FER: variants seen among roughly 807,000 people sequenced by gnomAD.
FER encodes tyrosine-protein kinase Fer.
Under a neutral mutation model 111.0 loss-of-function variants are expected in FER, and 63 were observed. The ratio of observed to expected loss-of-function variants is 0.57; its 90% CI spans 0.46 to 0.70. The LOEUF is 0.70. Among genes scored for constraint, FER ranks in the 30% least tolerant of loss-of-function variants. The probability of loss-of-function intolerance (pLI) is 0.00; values close to 1 mark genes in which losing one functional copy is unlikely to be tolerated. For synonymous variants in FER, 327 were observed against 313.9 expected (o/e 1.04, Z -0.44); for missense variants, 914 against 954.0 (o/e 0.96, Z 0.55).
intron 16 of FER, among the ~76,000 whole-genome samples, chr5:109,073,696 C>T (rs1370459312): frequency 6.6e-6 from 1 of 151,970 alleles, no homozygotes; most frequent in African/African-American, 2.4e-5. Flanking sequence ...AATCCTCCTC[C>T]CCTTCCACAT....
intron 17 of FER, among the ~76,000 whole-genome samples, chr5:109,142,402 G>A (rs1753620014): frequency 6.6e-6 from 1 of 152,116 alleles, no homozygotes; most frequent in South Asian, 2.1e-4. Context: ...GTGAGCCACT[G>A]AACAGGTGTA....
intron 13 of FER, among the ~76,000 whole-genome samples, chr5:108,977,221 T>C (rs1761470908): frequency 6.6e-6 from 1 of 152,230 alleles, no homozygotes; most frequent in Non-Finnish European, 1.5e-5. Flanking sequence ...TATGTTCATA[T>C]TTTTCTGAGC....
chr5:108,837,041 C>G (rs1165940109), intron 5 of FER, among the ~76,000 whole-genome samples: 1 of 152,058 alleles, frequency 6.6e-6, no homozygotes, highest in Non-Finnish European at 1.5e-5. Context: ...TTTTGAAATG[C>G]TTTTATCTTT....
intron 13 of FER, among the ~76,000 whole-genome samples, chr5:108,989,647 C>T (rs963180067): frequency 4.5e-4 from 68 of 151,790 alleles, no homozygotes; most frequent in African/African-American, 1.6e-3. Flanking sequence ...TATTTGATTA[C>T]ATTAGGATTT....
intron 17 of FER, among the ~76,000 whole-genome samples, chr5:109,137,460 T>C (rs1411967252): frequency 6.6e-6 from 1 of 152,258 alleles, no homozygotes; most frequent in East Asian, 1.9e-4. Context: ...GCTAAGGCAC[T>C]AACCTTGGTC....
At chr5:109,184,491 C>A (rs971381570) in intron 18 of FER, among the ~76,000 whole-genome samples, 3 of 152,150 alleles carry the variant, frequency 2.0e-5, no homozygotes, top group Non-Finnish European at 2.9e-5. Context: ...AGGTTATAAG[C>A]TTTTACTTCC....
intron 10 of FER, among the ~76,000 whole-genome samples, chr5:108,904,751 G>A (rs1436727788): frequency 3.3e-5 from 5 of 152,060 alleles, no homozygotes; most frequent in African/African-American, 7.2e-5. Flanking sequence ...AGATTTTACT[G>A]TCAAAAAAGT....
In FER at chr5:109,187,486, A is replaced by ATGAAG; in HGVS notation, c.2383_2387dup (p.Cys796Ter). The ATGAAG allele has an allele frequency of 6.2e-7, 1 of 1,614,120 alleles. No homozygotes were observed. Among genetic ancestry groups the ATGAAG allele is most frequent in the Non-Finnish European group, 8.5e-7 (1 of 1,179,994 alleles). On this transcript the variant is annotated frameshift_variant, in exon 20 of 20. Coordinates refer to ENST00000281092, the MANE Select transcript of FER (RefSeq NM_005246.4). LOFTEE classifies it high-confidence loss of function. ...TCCAGAGGATATTTCCAAAATCATG[A>ATGAAG]TGAAGTGTTGGGATTATAAACCTGA...
In FER at chr5:109,139,444, G is replaced by A. The variant is rs578139839; in HGVS notation, c.2048+38925G>A. The stretch of plus-strand genomic sequence containing the variant: ...CGGCTCACTGCAAGCTCCACTTCCC[G>A]GTTCCAAGCCATTCTCCTGCTACTT... On this transcript the variant is annotated intron_variant, in intron 17 of 19. Coordinates refer to ENST00000281092, the MANE Select transcript of FER (RefSeq NM_005246.4). 4.0e-5 allele frequency among the ~76,000 whole-genome samples: 6 copies of A among 148,352 alleles called. 1 individual carries two copies. The highest frequency in any genetic ancestry group is 1.0e-4 in the African/African-American group (4 of 40,048).
intron 17 of FER, among the ~76,000 whole-genome samples, chr5:109,170,293 C>T (rs1756976647): frequency 6.6e-6 from 1 of 152,052 alleles, no homozygotes; most frequent in African/African-American, 2.4e-5. Flanking sequence ...TTTCATTCAT[C>T]TTAAATGGGA....
chr5:109,096,900 C>A (rs1291278093), intron 16 of FER, among the ~76,000 whole-genome samples: 2 of 149,568 alleles, frequency 1.3e-5, no homozygotes, highest in African/African-American at 4.9e-5. Flanking sequence ...TTGTTTTTTA[C>A]AAAATAACAA....
At chr5:108,829,350 A>G (rs1490134212) in intron 3 of FER, among the ~76,000 whole-genome samples, 1 of 152,178 alleles carries the variant, frequency 6.6e-6, no homozygotes, top group African/African-American at 2.4e-5. Flanking sequence ...TAAAAAAAAT[A>G]TTTATGGCTG....
At position 109,194,004 on chromosome 5, in the gene FER, C is replaced by T. The variant is rs1266885876; in HGVS notation, c.*6429C>T. 6.6e-6 allele frequency: 1 copy of T among 152,170 alleles called. No individual in the cohort carries two copies. The highest frequency in any genetic ancestry group is 1.5e-5 in the Non-Finnish European group (1 of 68,030). 9.4% of individuals were successfully genotyped at this position (152,170 alleles called of 1,614,324 possible). A position where few individuals can be genotyped will look rare whatever the true frequency, so the allele number is the denominator to read the frequency against. ...AGATGACTAACACTATCAGTAGAAG[C>T]TCTTGAGAGATTTTCCTAACGCAGC... On this transcript the variant is annotated 3_prime_UTR_variant, in exon 20 of 20. Coordinates refer to ENST00000281092, the MANE Select transcript of FER (RefSeq NM_005246.4).
At chr5:109,147,639 A>C (rs1421499782) in intron 17 of FER, among the ~76,000 whole-genome samples, 1 of 152,030 alleles carries the variant, frequency 6.6e-6, no homozygotes, top group Non-Finnish European at 1.5e-5. Flanking sequence ...ATTTGTTGGC[A>C]GAAAATATTC....
chr5:108,933,820 A>G (rs1755054927), intron 10 of FER, among the ~76,000 whole-genome samples: 1 of 152,100 alleles, frequency 6.6e-6, no homozygotes, highest in Admixed American at 6.6e-5. Context: ...GGTCCTTTGC[A>G]TCCCTTGTAA....
intron 10 of FER, among the ~76,000 whole-genome samples, chr5:108,911,112 C>T (rs1751488791): frequency 6.6e-6 from 1 of 152,148 alleles, no homozygotes; most frequent in South Asian, 2.1e-4. Flanking sequence ...TTTCTTTTCA[C>T]CACATCCGCA....
At chr5:108,869,368 G>A (rs1764384609) in intron 6 of FER, among the ~76,000 whole-genome samples, 2 of 152,100 alleles carry the variant, frequency 1.3e-5, no homozygotes, top group Admixed American at 6.6e-5. Flanking sequence ...TGCACTCTCC[G>A]TGAGAGGAAT....
At chr5:108,901,840 A>G (rs573396635) in intron 10 of FER, among the ~76,000 whole-genome samples, 2 of 152,060 alleles carry the variant, frequency 1.3e-5, no homozygotes, top group Admixed American at 1.3e-4. Context: ...AATGCTAACC[A>G]CTCAGGAGTT....
chr5:108,936,499 G>A (rs745307031), intron 10 of FER, among the ~76,000 whole-genome samples: 3 of 151,936 alleles, frequency 2.0e-5, no homozygotes, highest in Non-Finnish European at 4.4e-5. Flanking sequence ...CTTATTGCCT[G>A]TTGACGTAAT....
Sources: allele counts gnomAD v4.1 joint callset (sites outside exome capture counted in the v4.1 genomes callset), GRCh38; gene constraint gnomAD v4.1.1; transcripts MANE v1.5; gene names NCBI Gene and HGNC (gene_info 2026-07-23, HGNC 2026-07-21).